The following BANP variants were observed in gnomAD, a reference collection of about 807,000 sequenced individuals.
BANP encodes the protein protein BANP.
In BANP, 11 loss-of-function variants were observed where a neutral mutation model predicts 68.1. The observed-to-expected ratio is 0.16, with a 90% CI of 0.10 to 0.27. The LOEUF (loss-of-function observed/expected upper bound fraction) is 0.27. BANP is among the 10% of genes least tolerant of loss of function. The probability of loss-of-function intolerance (pLI) is 1.00; values close to 1 mark genes in which losing one functional copy is unlikely to be tolerated. For missense variants in BANP, 504 were observed against 722.7 expected (o/e 0.70, Z 3.47); for synonymous variants, 329 against 303.2 (o/e 1.09, Z -0.88).
In BANP at chr16:87,975,187, T is replaced by C. The variant is rs1357903830; in HGVS notation, c.70+2T>C. ...AAGACCTGAGCCCTGACCACCCAGG[T>C]ACAGAGCTGTGGGACAGTAGGTGAA... is the stretch of plus-strand genomic sequence containing the variant. On this transcript the variant is annotated splice_donor_variant, in intron 2 of 13. Coordinates refer to ENST00000682872, the MANE Select transcript of BANP (RefSeq NM_001386991.1). LOFTEE classifies it high-confidence loss of function. 1 of 1,613,870 alleles carries C rather than the reference T, an allele frequency of 6.2e-7. No homozygotes were observed. The highest frequency in any genetic ancestry group is 1.7e-5 in the Admixed American group (1 of 60,020).
In BANP at chr16:87,964,288, C is replaced by T. The variant is rs191980367; in HGVS notation, c.-68-10760C>T. Among the ~76,000 whole-genome samples, 1,091 of 152,372 alleles carry T rather than the reference C, an allele frequency of 7.2e-3. 11 individuals carry two copies. The highest frequency in any genetic ancestry group is 0.027 in the Middle Eastern group (8 of 294). ...TGCGGTGCGGGCCAGGCCCGGTGCC[C>T]TGCTGAGAACACAGCCATGCCAATT... On this transcript the variant is annotated intron_variant, in intron 1 of 13. Coordinates refer to ENST00000682872, the MANE Select transcript of BANP (RefSeq NM_001386991.1).
chr16:87,958,591 A>G (rs1189368255), intron 1 of BANP, among the ~76,000 whole-genome samples: 1 of 81,240 alleles, frequency 1.2e-5, no homozygotes, highest in African/African-American at 6.7e-5. Context: ...GCGCTTTGGG[A>G]AGCGGAAACT....
Position 88,076,964 on chromosome 16 carries a change from C to T in BANP, c.*303C>T. On this transcript the variant is annotated 3_prime_UTR_variant, in exon 14 of 14. Transcript: ENST00000682872. ...GAACTATGATATTTTTCTGTTTAAA[C>T]AGCTTTTTTTAATTTGCTATGGTGT... 2.9e-6 allele frequency: 1 copy of T among 344,970 alleles called. No homozygotes were observed. The highest frequency in any genetic ancestry group is 5.3e-6 in the Non-Finnish European group (1 of 189,162). 21.4% of individuals were successfully genotyped at this position (344,970 alleles called of 1,614,324 possible). A position where few individuals can be genotyped will look rare whatever the true frequency, so the allele number is the denominator to read the frequency against.
intron 11 of BANP, among the ~76,000 whole-genome samples, chr16:88,041,005 C>T (rs1567845349): frequency 6.6e-6 from 1 of 152,238 alleles, no homozygotes; most frequent in African/African-American, 2.4e-5. Flanking sequence ...GTGGCCAGGC[C>T]TTCCCTCTTC....
intron 4 of BANP, among the ~76,000 whole-genome samples, chr16:87,987,099 T>G (rs575415942): frequency 4.1e-4 from 63 of 152,336 alleles, no homozygotes; most frequent in African/African-American, 1.4e-3. Flanking sequence ...TTTCCTTTTT[T>G]TTGAGACTCC....
chr16:88,076,367 T>C (rs141968701), intron 13 of BANP, among the ~76,000 whole-genome samples: 4,531 of 121,980 alleles, frequency 0.037, 84 homozygotes, highest in Middle Eastern at 0.061. Context: ...GGGGCCTGGG[T>C]GTGCCGGAGC....
Position 88,077,235 on chromosome 16 carries a change from T to C in BANP, c.*574T>C, listed in dbSNP as rs1430312799. 6.6e-6 allele frequency: 1 copy of C among 152,462 alleles called. No individual in the cohort carries two copies. Among genetic ancestry groups the C allele is most frequent in the African/African-American group, 2.4e-5 (1 of 41,478 alleles). 9.4% of individuals were successfully genotyped at this position (152,462 alleles called of 1,614,324 possible). A position where few individuals can be genotyped will look rare whatever the true frequency, so the allele number is the denominator to read the frequency against. On this transcript the variant is annotated 3_prime_UTR_variant, in exon 14 of 14. Transcript: ENST00000682872. ...GCCAGCTCTCGGTTCCGATGGGGTA[T>C]TGCTGACCTACTTTTCTAGGGGAAA...
chr16:87,964,814 G>C (rs953584522), intron 1 of BANP, among the ~76,000 whole-genome samples: 1 of 152,206 alleles, frequency 6.6e-6, no homozygotes, highest in African/African-American at 2.4e-5. Context: ...CAGGAGGCCT[G>C]AGGTTTTGGC....
At chr16:87,981,799 G>A (rs2063328262) in intron 3 of BANP, among the ~76,000 whole-genome samples, 1 of 152,202 alleles carries the variant, frequency 6.6e-6, no homozygotes, top group Non-Finnish European at 1.5e-5. Flanking sequence ...TGCCATTTAA[G>A]TCACTTAGAT....
intron 12 of BANP, among the ~76,000 whole-genome samples, chr16:88,065,624 C>T (rs1181558049): frequency 1.3e-5 from 2 of 152,098 alleles, no homozygotes; most frequent in East Asian, 1.9e-4. Flanking sequence ...ACAACAGGAA[C>T]GGGGGAAGAA....
intron 2 of BANP, among the ~76,000 whole-genome samples, chr16:87,979,466 G>A (rs2062845813): frequency 1.3e-5 from 2 of 149,148 alleles, no homozygotes; most frequent in African/African-American, 4.9e-5. Flanking sequence ...CCCGAACTAG[G>A]CGGCATTTGA....
intron 6 of BANP, among the ~76,000 whole-genome samples, chr16:88,008,070 C>T (rs761090928): frequency 2.0e-5 from 3 of 152,310 alleles, no homozygotes; most frequent in Middle Eastern, 3.4e-3. Flanking sequence ...AGCTCATCTC[C>T]GTCCTCGTGG....
Position 87,957,983 on chromosome 16 carries a change from G to A in BANP, c.-69+6468G>A, listed in dbSNP as rs554088240. Among the ~76,000 whole-genome samples, 69 of 152,296 alleles carry A rather than the reference G, an allele frequency of 4.5e-4. No individual in the cohort carries two copies. Among genetic ancestry groups the A allele is most frequent in the Middle Eastern group, 3.4e-3 (1 of 294 alleles). ...CCGCTGCCAGTCTGCGTTTTCTGCC[G>A]AAATGCGTCCCTGAGATTGAGAAAG... On this transcript the variant is annotated intron_variant, in intron 1 of 13. Coordinates refer to ENST00000682872, the MANE Select transcript of BANP (RefSeq NM_001386991.1). The surrounding 1 kb of genome is among the most constrained non-coding windows in gnomAD (Gnocchi z 4.3).
intron 1 of BANP, among the ~76,000 whole-genome samples, chr16:87,964,531 A>C (rs1216849183): frequency 1.3e-5 from 2 of 152,244 alleles, no homozygotes; most frequent in East Asian, 3.8e-4. Context: ...GCCCAAATGC[A>C]GGGGCCGAGT....
chr16:88,053,009 CATT>C (rs891993437), intron 11 of BANP, among the ~76,000 whole-genome samples: 1 of 151,586 alleles, frequency 6.6e-6, no homozygotes, highest in South Asian at 2.1e-4. Context: ...CCATCTCCAT[CATT>C]ATCACCAACA....
intron 11 of BANP, among the ~76,000 whole-genome samples, chr16:88,052,604 C>A (rs1475504200): frequency 6.6e-6 from 1 of 151,926 alleles, no homozygotes; most frequent in Non-Finnish European, 1.5e-5. Context: ...TCTACCACCT[C>A]CGCCACTGTC....
In BANP at chr16:88,033,128, A is replaced by G. The variant is rs776295987; in HGVS notation, c.1083A>G (p.Pro361=). 8 of 1,606,072 alleles carry G rather than the reference A, an allele frequency of 5.0e-6. No homozygotes were observed. In the African/African-American group the frequency reaches 9.4e-5, roughly 19 times the overall value. ...CCACAGAGCCGATGATGAGCACCCCACCTCCTGCCAGCGAGCTCCCGCAGC... is the reference window on the plus strand; with the variant it reads ...CCACAGAGCCGATGATGAGCACCCCGCCTCCTGCCAGCGAGCTCCCGCAGC... ...YCPSEPMMST[P]PPASELPQPQ... is the part of the protein sequence containing the mutation. Residue 361 remains proline, a synonymous_variant, in exon 9 of 14, where the codon CCA becomes CCG. Coordinates refer to ENST00000682872, the MANE Select transcript of BANP (RefSeq NM_001386991.1).
chr16:87,995,313 T>C (rs2066902002), intron 4 of BANP, among the ~76,000 whole-genome samples: 1 of 152,212 alleles, frequency 6.6e-6, no homozygotes, highest in Non-Finnish European at 1.5e-5. Context: ...TCTGAGCAGC[T>C]CCTCTTTTTG....
intron 4 of BANP, among the ~76,000 whole-genome samples, chr16:87,991,414 G>A (rs1423379372): frequency 6.6e-6 from 1 of 152,214 alleles, no homozygotes; most frequent in Non-Finnish European, 1.5e-5. Flanking sequence ...ATAATTTGGA[G>A]CACTTCTCTA....
Sources: gnomAD v4.1 joint callset for allele counts (sites outside exome capture counted in the v4.1 genomes callset) on GRCh38, gnomAD v4.1.1 for gene constraint, Gnocchi (gnomAD v3.1) non-coding constraint, MANE v1.5 for transcripts, NCBI Gene and HGNC (gene_info 2026-07-23, HGNC 2026-07-21) for gene names.